PTPRE: variants seen among roughly 807,000 people sequenced by gnomAD.
PTPRE encodes protein tyrosine phosphatase receptor type E, also known as receptor-type tyrosine-protein phosphatase epsilon.
A neutral mutation model predicts 102.0 loss-of-function variants in PTPRE; 51 were observed. The ratio of observed to expected loss-of-function variants is 0.50; its 90% CI spans 0.40 to 0.63. The LOEUF is 0.63. Ranked by LOEUF, PTPRE falls within the 30% of genes least tolerant of loss-of-function variation. PTPRE has a pLI of 0.00. For synonymous variants in PTPRE, 345 were observed against 348.2 expected, an observed-to-expected ratio of 0.99 and a Z score of 0.10; for missense variants, 752 against 915.1, an observed-to-expected ratio of 0.82 and a Z score of 2.30.
intron 1 of PTPRE, among the ~76,000 whole-genome samples, chr10:127,948,279 T>C (rs1211073299): frequency 3.3e-5 from 5 of 151,996 alleles, no homozygotes; most frequent in Non-Finnish European, 5.9e-5. Flanking sequence ...CACAGCAAAA[T>C]TGAGTGGAAG....
At chr10:128,048,218 G>GA (rs1187625802) in intron 5 of PTPRE, among the ~76,000 whole-genome samples, 9 of 152,292 alleles carry the variant, frequency 5.9e-5, no homozygotes, top group Middle Eastern at 3.4e-3. Flanking sequence ...GATCCAGCTG[G>GA]AAAAAGAGAC....
At chr10:128,082,065 A>AT (rs1340593644) in intron 20 of PTPRE, among the ~76,000 whole-genome samples, 1 of 152,198 alleles carries the variant, frequency 6.6e-6, no homozygotes, top group Admixed American at 6.5e-5. Flanking sequence ...CAGCCTATAT[A>AT]TAAAACAATG....
At chr10:128,041,096 C>T in intron 3 of PTPRE, 106 bp downstream of exon 3, 1 of 946,004 alleles carries the variant, frequency 1.1e-6, no homozygotes. Flanking sequence ...AATGGTGTGG[C>T]TGAATTTCTT....
At chr10:128,019,282 A>T (rs1845673436) in intron 2 of PTPRE, among the ~76,000 whole-genome samples, 2 of 152,228 alleles carry the variant, frequency 1.3e-5, no homozygotes, top group Admixed American at 1.3e-4. Context: ...GGGGGAGTGA[A>T]GATGGCAGTT....
At chr10:128,032,025 TA>T (rs1247677205) in intron 2 of PTPRE, among the ~76,000 whole-genome samples, 1 of 152,152 alleles carries the variant, frequency 6.6e-6, no homozygotes, top group Non-Finnish European at 1.5e-5. Flanking sequence ...ATTAAACCTT[TA>T]TTTTTTTGAA....
chr10:128,068,132 G>C lies in PTPRE; in HGVS notation c.853G>C (p.Asp285His), dbSNP rs143577888. ...RKFCIQPQLPDGCKAPRLVSQ... is the reference protein window; with the variant it reads ...RKFCIQPQLPHGCKAPRLVSQ... ...CCCGCGTCCCCCGCAGCAGCTCCCC[G>C]ACGGCTGCAAAGCCCCCAGGCTGGT... The change falls in exon 12 of 21, where the codon GAC becomes CAC. Residue 285 changes from aspartate to histidine, a missense_variant. Around this residue, in one of 2 missense-constraint regions of PTPRE, gnomAD observed 636 missense variants for 824.4 expected, o/e 0.77. Transcript: ENST00000254667. The C allele has an allele frequency of 6.2e-7, 1 of 1,612,396 alleles. No homozygotes were observed. Among genetic ancestry groups the C allele is most frequent in the Non-Finnish European group, 8.5e-7 (1 of 1,179,024 alleles).
chr10:127,970,723 G>A lies in PTPRE; in HGVS notation c.-30-11551G>A, dbSNP rs376971412. Among the ~76,000 whole-genome samples, 13 of 151,352 alleles carry A rather than the reference G, an allele frequency of 8.6e-5. No homozygotes were observed. The South Asian group carries it at 2.4e-3, about 28-fold the overall frequency. ...TGTTAATCCTACAATGAGTTAAGCTGACTAATGGACACTCAAGTTTCCATC... is the reference window on the plus strand; with the variant it reads ...TGTTAATCCTACAATGAGTTAAGCTAACTAATGGACACTCAAGTTTCCATC... On this transcript the variant is annotated intron_variant, in intron 1 of 20. Coordinates refer to ENST00000254667, the MANE Select transcript of PTPRE (RefSeq NM_006504.6).
intron 1 of PTPRE, among the ~76,000 whole-genome samples, chr10:127,914,346 GAC>G (rs1846062010): frequency 6.6e-6 from 1 of 152,310 alleles, no homozygotes; most frequent in Admixed American, 6.5e-5. Context: ...AGAACAGACT[GAC>G]ACACACAGCA....
At chr10:128,060,132 ACATT>A (rs1849425966) in intron 7 of PTPRE, among the ~76,000 whole-genome samples, 1 of 149,326 alleles carries the variant, frequency 6.7e-6, no homozygotes, top group East Asian at 2.0e-4. Flanking sequence ...CCACATGCAC[ACATT>A]CACACAGCAT....
At chr10:128,082,683 C>T (rs563822992) in intron 20 of PTPRE, 149 bp from the exon 21 acceptor site, 2 of 893,514 alleles carry the variant, frequency 2.2e-6, no homozygotes, top group Admixed American at 4.0e-5. Context: ...CTGCATGTGC[C>T]TAAAAACTAA....
intron 1 of PTPRE, among the ~76,000 whole-genome samples, chr10:127,957,380 A>G (rs1386252918): frequency 2.0e-5 from 3 of 152,190 alleles, no homozygotes; most frequent in Non-Finnish European, 4.4e-5. Flanking sequence ...AACATAGTTG[A>G]CCATATTTAT....
rs778528400 is a variant in PTPRE, at chr10:128,077,649, A to G, written c.1758A>G (p.Val586=). ...PQARQEEQVR[V]VRQFHFHGWP... ...CCCGCCAGGAGGAGCAGGTCCGAGT[A>G]GTGCGCCAGTTTCACTTCCACGGCT... is the stretch of plus-strand genomic sequence containing the variant. The change falls in exon 19 of 21, where the codon GTA becomes GTG. Residue 586 remains valine (V), a synonymous_variant. Coordinates refer to ENST00000254667, the MANE Select transcript of PTPRE (RefSeq NM_006504.6). 1.2e-6 allele frequency: 2 copies of G among 1,613,288 alleles called. No individual in the cohort carries two copies. Among genetic ancestry groups the G allele is most frequent in the African/African-American group, 1.3e-5 (1 of 75,046 alleles).
At chr10:128,042,421 G>A (rs1590111933) in intron 3 of PTPRE, among the ~76,000 whole-genome samples, 1 of 152,334 alleles carries the variant, frequency 6.6e-6, no homozygotes, top group Admixed American at 6.5e-5. Context: ...GACATGGGGT[G>A]TTACTTGCAG....
chr10:127,997,594 C>T (rs1168886934), intron 2 of PTPRE, among the ~76,000 whole-genome samples: 2 of 152,140 alleles, frequency 1.3e-5, no homozygotes, highest in Non-Finnish European at 2.9e-5. Flanking sequence ...AATATAAGTA[C>T]ATGTACATGT....
At chr10:127,980,097 C>G (rs574111586) in intron 1 of PTPRE, among the ~76,000 whole-genome samples, 3 of 152,188 alleles carry the variant, frequency 2.0e-5, no homozygotes, top group African/African-American at 7.2e-5. Context: ...AAGCAGTTCC[C>G]CTATCTGCAG....
chr10:127,931,124 A>G (rs1184588067), intron 1 of PTPRE, among the ~76,000 whole-genome samples: 1 of 152,046 alleles, frequency 6.6e-6, no homozygotes, highest in Non-Finnish European at 1.5e-5. Context: ...AGTTTTTGCC[A>G]TCCTTACAGG....
chr10:128,074,793 A>T (rs996060793), intron 17 of PTPRE, among the ~76,000 whole-genome samples: 4 of 152,114 alleles, frequency 2.6e-5, no homozygotes, highest in Non-Finnish European at 4.4e-5. Context: ...TCACGTCATA[A>T]CTCTATGTCA....
chr10:127,993,074 G>C (rs1469893092), intron 2 of PTPRE, among the ~76,000 whole-genome samples: 1 of 152,140 alleles, frequency 6.6e-6, no homozygotes, highest in Non-Finnish European at 1.5e-5. Flanking sequence ...GGTCCTGATT[G>C]AAAATGAGCA....
At chr10:128,057,571 A>T (rs1233669087) in intron 7 of PTPRE, among the ~76,000 whole-genome samples, 2 of 152,230 alleles carry the variant, frequency 1.3e-5, no homozygotes, top group Admixed American at 1.3e-4. Flanking sequence ...TGCACTTTTT[A>T]GAAATAATTC....
Sources: gnomAD v4.1 joint callset for allele counts (sites outside exome capture counted in the v4.1 genomes callset) on GRCh38, gnomAD v4.1.1 for gene constraint, gnomAD v4.1.1 regional missense constraint, MANE v1.5 for transcripts, NCBI Gene and HGNC (gene_info 2026-07-23, HGNC 2026-07-21) for gene names.